ENTREP2: variants seen among roughly 807,000 people sequenced by gnomAD.
ENTREP2 encodes endosomal transmembrane epsin interactor 2.
the ENTREP2 span, among the ~76,000 whole-genome samples, chr15:29,444,208 A>C: frequency 1.3e-5 from 2 of 148,810 alleles, no homozygotes; most frequent in African/African-American, 2.6e-5. Context: ...GAAAGAAAGA[A>C]AGAAAGAAAG....
chr15:29,257,233 C>G, the ENTREP2 span, among the ~76,000 whole-genome samples: 1 of 151,988 alleles, frequency 6.6e-6, no homozygotes, highest in East Asian at 1.9e-4. Context: ...GCCACCACAC[C>G]GGGGTAATTT....
At chr15:29,169,035 AT>A in the ENTREP2 span, among the ~76,000 whole-genome samples, 1 of 152,142 alleles carries the variant, frequency 6.6e-6, no homozygotes. Flanking sequence ...ACTATTTGCC[AT>A]TTTTCTGATA....
At chr15:29,172,258 T>G in the ENTREP2 span, among the ~76,000 whole-genome samples, 2 of 152,224 alleles carry the variant, frequency 1.3e-5, no homozygotes, top group Non-Finnish European at 2.9e-5. Flanking sequence ...TCCATCGTGA[T>G]GTACTGATTT....
At chr15:29,199,826 G>GT in the ENTREP2 span, among the ~76,000 whole-genome samples, 10 of 152,166 alleles carry the variant, frequency 6.6e-5, no homozygotes, top group South Asian at 4.1e-4. Context: ...TTTCTCCTAT[G>GT]TTTTTTCTAA....
At chr15:29,649,798 C>A in the ENTREP2 span, among the ~76,000 whole-genome samples, 1 of 150,400 alleles carries the variant, frequency 6.6e-6, no homozygotes, top group South Asian at 2.1e-4. Context: ...TGGCTAAAAT[C>A]AGGTTGTTCT....
At chr15:29,134,923 G>A in the ENTREP2 span, among the ~76,000 whole-genome samples, 1 of 152,138 alleles carries the variant, frequency 6.6e-6, no homozygotes, top group African/African-American at 2.4e-5. Context: ...ACAGCGAGCA[G>A]CTGGCCAGGC....
chr15:29,208,309 AAAT>A, the ENTREP2 span, among the ~76,000 whole-genome samples: 8 of 152,142 alleles, frequency 5.3e-5, no homozygotes, highest in Non-Finnish European at 1.0e-4. Context: ...AAATAGGAGA[AAAT>A]AAAATGTTTA....
At chr15:29,177,649 G>C in the ENTREP2 span, among the ~76,000 whole-genome samples, 1 of 152,142 alleles carries the variant, frequency 6.6e-6, no homozygotes, top group Non-Finnish European at 1.5e-5. Flanking sequence ...CCAGCATCTG[G>C]ACTCGTGAGG....
At chr15:29,154,922 T>C in the ENTREP2 span, among the ~76,000 whole-genome samples, 35 of 152,338 alleles carry the variant, frequency 2.3e-4, no homozygotes, top group African/African-American at 8.4e-4. Flanking sequence ...GTTTAAACAC[T>C]TTCCCAAGTT....
the ENTREP2 span, among the ~76,000 whole-genome samples, chr15:29,464,680 A>C: frequency 6.6e-6 from 1 of 152,186 alleles, no homozygotes; most frequent in African/African-American, 2.4e-5. Flanking sequence ...AAGTTAACAC[A>C]GTCGCTCGTG....
At chr15:29,640,109 C>G in the ENTREP2 span, among the ~76,000 whole-genome samples, 1 of 152,018 alleles carries the variant, frequency 6.6e-6, no homozygotes, top group African/African-American at 2.4e-5. Context: ...GTTGGCCAAC[C>G]TTTACCTAGG....
chr15:29,249,261 T>C, the ENTREP2 span, among the ~76,000 whole-genome samples: 3 of 152,182 alleles, frequency 2.0e-5, no homozygotes, highest in Non-Finnish European at 4.4e-5. Flanking sequence ...TGAGCTGAGA[T>C]TGTGCCACTG....
At chr15:29,497,099 A>C in the ENTREP2 span, among the ~76,000 whole-genome samples, 1 of 152,128 alleles carries the variant, frequency 6.6e-6, no homozygotes, top group African/African-American at 2.4e-5. Context: ...TGAAGCTGTG[A>C]GTTCCATCTC....
chr15:29,157,823 A>G, the ENTREP2 span, among the ~76,000 whole-genome samples: 16 of 150,670 alleles, frequency 1.1e-4, no homozygotes, highest in African/African-American at 3.9e-4. Flanking sequence ...TCCACCTCCC[A>G]ACTTCAAGTG....
the ENTREP2 span, among the ~76,000 whole-genome samples, chr15:29,284,669 A>C: frequency 6.6e-6 from 1 of 152,218 alleles, no homozygotes; most frequent in South Asian, 2.1e-4. Context: ...GGGAGAAGAA[A>C]GAACTGATGA....
the ENTREP2 span, among the ~76,000 whole-genome samples, chr15:29,433,081 T>C: frequency 1.4e-4 from 22 of 152,288 alleles, no homozygotes; most frequent in South Asian, 1.9e-3. Flanking sequence ...ATCACACCAC[T>C]GCCCTCTCAT....
the ENTREP2 span, among the ~76,000 whole-genome samples, chr15:29,231,581 T>C: frequency 6.6e-6 from 1 of 152,236 alleles, no homozygotes; most frequent in African/African-American, 2.4e-5. Context: ...AGTGATATAG[T>C]ATTTATATCC....
chr15:29,148,759 A>G, the ENTREP2 span, among the ~76,000 whole-genome samples: 6 of 152,196 alleles, frequency 3.9e-5, no homozygotes, highest in Admixed American at 2.0e-4. Context: ...TCTTTCCTGC[A>G]TAAGCTGCAT....
chr15:29,369,840 G>A, the ENTREP2 span, among the ~76,000 whole-genome samples: 999 of 152,308 alleles, frequency 6.6e-3, 6 homozygotes, highest in African/African-American at 0.023. Context: ...ACAAGACTGG[G>A]TTAGTTCTCT....
Sources: allele counts gnomAD v4.1 joint callset (sites outside exome capture counted in the v4.1 genomes callset), GRCh38; gene constraint gnomAD v4.1.1; transcripts MANE v1.5; gene names NCBI Gene and HGNC (gene_info 2026-07-23, HGNC 2026-07-21).